Variants in CTTNBP2 observed in about 807,000 individuals in gnomAD.
CTTNBP2 encodes cortactin-binding protein 2.
A neutral mutation model predicts 156.9 loss-of-function variants in CTTNBP2; 108 were observed. The observed-to-expected ratio is 0.69, with a 90% CI of 0.59 to 0.81. The LOEUF (loss-of-function observed/expected upper bound fraction) is 0.81, where lower values mean the gene tolerates loss of function less well. CTTNBP2 is among the 30% of genes least tolerant of loss of function. The pLI, the probability that CTTNBP2 is intolerant of heterozygous loss-of-function variation, is 0.00. For synonymous variants in CTTNBP2, 767 were observed against 751.8 expected, an observed-to-expected ratio of 1.02 and a Z score of -0.33; for missense variants, 1,924 against 2,035.4, an observed-to-expected ratio of 0.95 and a Z score of 1.05.
rs143141403 is a variant in CTTNBP2, at chr7:117,775,391, A to C, written c.2778+2120T>G. On this transcript the variant is annotated intron_variant, in intron 8 of 22. Transcript: ENST00000160373. ...AAATCAATGACAATGCCATGTGGAA[A>C]TCAATGACAATGCCACGTTTGATCA... Among the ~76,000 whole-genome samples, 9 of 152,176 alleles carry C rather than the reference A, an allele frequency of 5.9e-5. No individual in the cohort carries two copies. The East Asian group carries it at 1.7e-3, about 29-fold the overall frequency.
At position 117,810,959 on chromosome 7, in the gene CTTNBP2, G is replaced by A. The variant is rs753298694; in HGVS notation, c.220C>T (p.Arg74Trp). The change falls in exon 3 of 23, where the codon CGG becomes TGG. Residue 74 changes from arginine (R) to tryptophan (W), a missense_variant. Transcript: ENST00000160373. The part of the protein sequence containing the change: ...ARRKEVFIQE[R>W]YGRFNLNDPF... ...TCATTTAGATTAAATCTCCCATACCGTTCCTGGATAAATACCTCCTTCCTG... is the reference window on the plus strand; with the variant it reads ...TCATTTAGATTAAATCTCCCATACCATTCCTGGATAAATACCTCCTTCCTG... 1.1e-5 allele frequency: 17 copies of A among 1,613,670 alleles called. No individual in the cohort carries two copies. Among genetic ancestry groups the A allele is most frequent in the East Asian group, 4.5e-5 (2 of 44,894 alleles).
Position 117,792,890 on chromosome 7 carries a change from G to A in CTTNBP2, c.415-109C>T. ...AATTTTCTAACAATTACATAACTCG[G>A]GTTAGCAAAAACGCCACATTTTCAA... is the stretch of plus-strand genomic sequence containing the variant. On this transcript the variant is annotated intron_variant, in intron 3 of 22. Coordinates refer to ENST00000160373, the MANE Select transcript of CTTNBP2 (RefSeq NM_033427.3). This position sits in a 1 kb window ranked among gnomAD's most constrained non-coding sequence, Gnocchi z 4.2. 1 of 767,530 alleles carries A rather than the reference G, an allele frequency of 1.3e-6. No homozygotes were observed. Among genetic ancestry groups the A allele is most frequent in the Non-Finnish European group, 1.9e-6 (1 of 535,280 alleles). The allele number at this position is 767,530 out of a possible 1,614,324, so 47.5% of individuals were successfully genotyped here.
chr7:117,854,762 A>G lies in CTTNBP2; in HGVS notation c.189+6447T>C, dbSNP rs568754280. Reference sequence around the variant, plus strand: ...TTTTTACATTTATTTTAGCAAAAATAGATGATTTAATTAATTAATTAATTT... The same window carrying G: ...TTTTTACATTTATTTTAGCAAAAATGGATGATTTAATTAATTAATTAATTT... On this transcript the variant is annotated intron_variant, in intron 2 of 22. Transcript: ENST00000160373. Among the ~76,000 whole-genome samples, 9 of 152,122 alleles carry G rather than the reference A, an allele frequency of 5.9e-5. No individual in the cohort carries two copies. The South Asian group carries it at 1.9e-3, about 32-fold the overall frequency.
chr7:117,872,907 C>G (rs998862953), intron 1 of CTTNBP2, among the ~76,000 whole-genome samples: 2 of 151,946 alleles, frequency 1.3e-5, no homozygotes, highest in Non-Finnish European at 2.9e-5. Context: ...CTGAGCGGTA[C>G]CAGGCACCCC....
chr7:117,732,547 G>A (rs1311309843), intron 16 of CTTNBP2, among the ~76,000 whole-genome samples: 2 of 151,698 alleles, frequency 1.3e-5, no homozygotes, highest in African/African-American at 2.4e-5. Context: ...CTACTCAGGA[G>A]GCTGAGGCAG....
intron 9 of CTTNBP2, 58 bp downstream of exon 9, chr7:117,767,001 A>G: frequency 1.0e-6 from 1 of 963,156 alleles, no homozygotes; most frequent in Non-Finnish European, 1.7e-6. Context: ...TTCCCATTGT[A>G]CCAGAGGCCC....
intron 3 of CTTNBP2, among the ~76,000 whole-genome samples, chr7:117,808,459 C>T (rs1800075542): frequency 6.6e-6 from 1 of 152,156 alleles, no homozygotes. Flanking sequence ...CCCTGGCACA[C>T]AAATTACCAA....
chr7:117,819,367 T>TCTCTCA (rs1236694379), intron 2 of CTTNBP2, among the ~76,000 whole-genome samples: 1 of 130,704 alleles, frequency 7.7e-6, no homozygotes, highest in Admixed American at 8.5e-5. Flanking sequence ...TCTCTCTCTC[T>TCTCTCA]CACACACACA....
intron 8 of CTTNBP2, among the ~76,000 whole-genome samples, chr7:117,767,602 A>C (rs1797554333): frequency 6.6e-6 from 1 of 152,226 alleles, no homozygotes; most frequent in Admixed American, 6.5e-5. Context: ...CTTTCCTGGT[A>C]ATATAAGTGC....
At chr7:117,794,003 C>A (rs967089464) in intron 3 of CTTNBP2, among the ~76,000 whole-genome samples, 3 of 152,112 alleles carry the variant, frequency 2.0e-5, no homozygotes, top group Non-Finnish European at 2.9e-5. Flanking sequence ...CCTGCCTGCA[C>A]CCCCCCTCAC....
intron 19 of CTTNBP2, among the ~76,000 whole-genome samples, chr7:117,723,976 C>A (rs1334314967): frequency 1.3e-5 from 2 of 151,988 alleles, no homozygotes; most frequent in East Asian, 1.9e-4. Context: ...GCTATCCACT[C>A]GTCTTGGTCT....
intron 2 of CTTNBP2, among the ~76,000 whole-genome samples, chr7:117,848,783 G>A (rs1282283867): frequency 6.6e-6 from 1 of 152,148 alleles, no homozygotes; most frequent in Non-Finnish European, 1.5e-5. Context: ...GTAAACTACT[G>A]TTCTATTCCC....
intron 8 of CTTNBP2, among the ~76,000 whole-genome samples, chr7:117,770,961 A>G (rs933191984): frequency 1.7e-4 from 26 of 152,230 alleles, no homozygotes; most frequent in African/African-American, 5.5e-4. Context: ...GACATCTGCT[A>G]TAACAGAGAC....
intron 3 of CTTNBP2, among the ~76,000 whole-genome samples, chr7:117,806,002 A>G (rs1462256933): frequency 1.3e-5 from 2 of 152,220 alleles, no homozygotes; most frequent in African/African-American, 4.8e-5. Flanking sequence ...GTTAAAAAGG[A>G]ACCACAGTAT....
Position 117,791,801 on chromosome 7 carries a change from A to T in CTTNBP2, c.1395T>A (p.Thr465=), listed in dbSNP as rs1799032810. Residue 465 remains threonine (T), a synonymous_variant, in exon 4 of 23, where the codon ACT becomes ACA. Transcript: ENST00000160373. ...CATCTCTTGACGGAGGACTTTGGGTAGTATTTCCATTTTGGTCTGGGTCGT... is the reference window on the plus strand; with the variant it reads ...CATCTCTTGACGGAGGACTTTGGGTTGTATTTCCATTTTGGTCTGGGTCGT... ...NANDPDQNGN[T]TQSPPSRDVS... The T allele has an allele frequency of 6.2e-7, 1 of 1,614,074 alleles. No individual in the cohort carries two copies. Among genetic ancestry groups the T allele is most frequent in the Admixed American group, 1.7e-5 (1 of 60,006 alleles).
At chr7:117,860,976 C>G (rs1032080837) in intron 2 of CTTNBP2, among the ~76,000 whole-genome samples, 2 of 152,130 alleles carry the variant, frequency 1.3e-5, no homozygotes, top group East Asian at 1.9e-4. Context: ...CTCAAGTTTC[C>G]CGTACTAAAC....
chr7:117,720,404 C>T (rs1794716268), intron 20 of CTTNBP2, among the ~76,000 whole-genome samples: 1 of 152,108 alleles, frequency 6.6e-6, no homozygotes, highest in African/African-American at 2.4e-5. Flanking sequence ...AATAAATTAT[C>T]ACTGTAAATT....
chr7:117,717,304 G>C (rs997408853), intron 22 of CTTNBP2, among the ~76,000 whole-genome samples: 10 of 151,666 alleles, frequency 6.6e-5, no homozygotes, highest in African/African-American at 1.9e-4. Flanking sequence ...GGAAAGTCAG[G>C]ATGAAATAAA....
chr7:117,762,426 T>A (rs1202840210), intron 9 of CTTNBP2, among the ~76,000 whole-genome samples: 1 of 152,178 alleles, frequency 6.6e-6, no homozygotes, highest in Non-Finnish European at 1.5e-5. Flanking sequence ...ACACCTTGAA[T>A]TATCAGACTG....
Sources: gnomAD v4.1 joint callset for allele counts (sites outside exome capture counted in the v4.1 genomes callset) on GRCh38, gnomAD v4.1.1 for gene constraint, Gnocchi (gnomAD v3.1) non-coding constraint, MANE v1.5 for transcripts, NCBI Gene and HGNC (gene_info 2026-07-23, HGNC 2026-07-21) for gene names.